The following RARB variants were observed in gnomAD, a reference collection of about 807,000 sequenced individuals.
RARB encodes HBV-activated protein.
RARB carries 17 observed loss-of-function variants against 51.9 expected under a neutral mutation model. The observed-to-expected ratio is 0.33, with a 90% CI of 0.22 to 0.49. The LOEUF (loss-of-function observed/expected upper bound fraction) is 0.49. Among genes scored for constraint, RARB ranks in the 20% least tolerant of loss-of-function variants. The pLI is 0.99. For missense variants in RARB, 369 were observed against 550.8 expected (o/e 0.67, Z 3.30); for synonymous variants, 215 against 195.4 (o/e 1.10, Z -0.84).
intron 4 of RARB, among the ~76,000 whole-genome samples, chr3:25,155,958 C>A (rs1418101031): frequency 6.6e-6 from 1 of 152,158 alleles, no homozygotes; most frequent in African/African-American, 2.4e-5. Flanking sequence ...TATTGGGTGA[C>A]CTTTGCCAAC....
intron 3 of RARB, among the ~76,000 whole-genome samples, chr3:25,552,961 G>A (rs1699907402): frequency 6.6e-6 from 1 of 152,058 alleles, no homozygotes; most frequent in South Asian, 2.1e-4. Flanking sequence ...CAGGACTGGA[G>A]GAATTAATGA....
intron 2 of RARB, among the ~76,000 whole-genome samples, chr3:24,974,116 G>A (rs562257280): frequency 6.6e-6 from 1 of 151,986 alleles, no homozygotes; most frequent in African/African-American, 2.4e-5. Context: ...TTATTTTGAG[G>A]TGTGTTCTTT....
intron 2 of RARB, among the ~76,000 whole-genome samples, chr3:24,987,834 A>AAT (rs1392648514): frequency 2.0e-5 from 3 of 152,222 alleles, no homozygotes; most frequent in African/African-American, 7.2e-5. Flanking sequence ...AAAGGTCTCA[A>AAT]ATGTACTTGT....
chr3:25,563,219 C>T (rs145549250), intron 3 of RARB, among the ~76,000 whole-genome samples: 1 of 152,296 alleles, frequency 6.6e-6, no homozygotes, highest in East Asian at 1.9e-4. Context: ...GTTGCAGACT[C>T]AGAGCAGTCC....
At chr3:25,563,490 G>C (rs1348926536) in intron 3 of RARB, among the ~76,000 whole-genome samples, 3 of 152,116 alleles carry the variant, frequency 2.0e-5, no homozygotes. Flanking sequence ...CCCACCTTCA[G>C]GCAGATTCTG....
chr3:25,028,741 T>C (rs1355133506), intron 2 of RARB, among the ~76,000 whole-genome samples: 1 of 152,158 alleles, frequency 6.6e-6, no homozygotes, highest in Non-Finnish European at 1.5e-5. Flanking sequence ...TTCCTGTGCT[T>C]AAGGGAACTT....
intron 4 of RARB, among the ~76,000 whole-genome samples, chr3:25,141,208 G>A (rs1287937994): frequency 2.6e-5 from 4 of 151,676 alleles, no homozygotes; most frequent in Admixed American, 6.6e-5. Flanking sequence ...TCTTAGACCC[G>A]GGAAACTCAT....
intron 5 of RARB, among the ~76,000 whole-genome samples, chr3:25,587,541 G>A (rs1701442994): frequency 6.6e-6 from 1 of 152,176 alleles, no homozygotes; most frequent in Non-Finnish European, 1.5e-5. Context: ...AACAATGGCT[G>A]CTAGAGTACT....
chr3:25,007,027 A>T (rs11706159), intron 2 of RARB, among the ~76,000 whole-genome samples: 1 of 152,018 alleles, frequency 6.6e-6, no homozygotes, highest in East Asian at 1.9e-4. Context: ...AATAAGAATG[A>T]GTTGCAGACA....
intron 3 of RARB, among the ~76,000 whole-genome samples, chr3:25,066,726 T>C (rs543676923): frequency 2.0e-4 from 31 of 151,756 alleles, no homozygotes; most frequent in African/African-American, 6.5e-4. Flanking sequence ...ATAAACATTG[T>C]AGAAAATTCC....
chr3:25,584,356 A>G (rs1701300304), intron 5 of RARB, among the ~76,000 whole-genome samples: 1 of 152,206 alleles, frequency 6.6e-6, no homozygotes, highest in African/African-American at 2.4e-5. Context: ...CTTACATGCA[A>G]CAGAGGAGAA....
intron 2 of RARB, among the ~76,000 whole-genome samples, chr3:25,465,130 A>G (rs988835095): frequency 6.6e-6 from 1 of 152,216 alleles, no homozygotes; most frequent in Non-Finnish European, 1.5e-5. Flanking sequence ...TTCGAATCAG[A>G]TTGCCAGAAT....
intron 2 of RARB, among the ~76,000 whole-genome samples, chr3:24,933,891 A>G (rs986617380): frequency 6.6e-6 from 1 of 152,204 alleles, no homozygotes; most frequent in Non-Finnish European, 1.5e-5. Context: ...AAGTATACAT[A>G]CAAATAGAGA....
intron 5 of RARB, among the ~76,000 whole-genome samples, chr3:25,331,423 C>G (rs540140068): frequency 1.3e-5 from 2 of 152,308 alleles, no homozygotes; most frequent in East Asian, 3.9e-4. Flanking sequence ...TCCTGAATGA[C>G]TACTGGATAC....
At chr3:24,921,884 G>A (rs1168607282) in intron 2 of RARB, among the ~76,000 whole-genome samples, 1 of 152,190 alleles carries the variant, frequency 6.6e-6, no homozygotes, top group Non-Finnish European at 1.5e-5. Flanking sequence ...CCTGATTCTA[G>A]GTTTAAGCAA....
At chr3:25,103,076 A>G (rs1320967188) in intron 3 of RARB, among the ~76,000 whole-genome samples, 12 of 152,140 alleles carry the variant, frequency 7.9e-5, no homozygotes, top group Admixed American at 7.2e-4. Context: ...GCAGAGGTAG[A>G]ACTTGTTGAG....
At chr3:24,839,549 A>T (rs1177789901) in intron 1 of RARB, among the ~76,000 whole-genome samples, 1 of 151,122 alleles carries the variant, frequency 6.6e-6, no homozygotes, top group Non-Finnish European at 1.5e-5. Context: ...AAAAAAAAAA[A>T]ATACAGAAGT....
chr3:25,439,850 G>A (rs1331124834), intron 1 of RARB, among the ~76,000 whole-genome samples: 2 of 152,212 alleles, frequency 1.3e-5, no homozygotes, highest in Admixed American at 6.5e-5. Flanking sequence ...GCTAGAAGTC[G>A]TGTAGTGGGT....
chr3:24,952,125 A>G (rs557690877), intron 2 of RARB, among the ~76,000 whole-genome samples: 6 of 152,194 alleles, frequency 3.9e-5, no homozygotes, highest in Non-Finnish European at 5.9e-5. Flanking sequence ...CTATAATCCT[A>G]GCACTTTGGG....
Sources: allele counts gnomAD v4.1 joint callset (sites outside exome capture counted in the v4.1 genomes callset), GRCh38; gene constraint gnomAD v4.1.1; transcripts MANE v1.5; gene names NCBI Gene and HGNC (gene_info 2026-07-23, HGNC 2026-07-21).